The following DSCAM variants were observed in gnomAD, a reference collection of about 807,000 sequenced individuals.
DSCAM encodes DS cell adhesion molecule.
In DSCAM, 47 loss-of-function variants were observed where a neutral mutation model predicts 217.7. That is an observed-to-expected ratio of 0.22 (90% CI 0.17 to 0.28). The LOEUF (loss-of-function observed/expected upper bound fraction) is 0.28, where lower values mean the gene tolerates loss of function less well. DSCAM is among the 10% of genes least tolerant of loss of function. The pLI is 1.00. For missense variants in DSCAM, 2,080 were observed against 2,618.3 expected (o/e 0.79, Z 4.49); for synonymous variants, 1,056 against 1,015.3 (o/e 1.04, Z -0.76).
Position 40,284,515 on chromosome 21 carries a change from C to T in DSCAM, c.2183-8245G>A, listed in dbSNP as rs190126714. On this transcript the variant is annotated intron_variant, in intron 10 of 32. Coordinates refer to ENST00000400454, the MANE Select transcript of DSCAM (RefSeq NM_001389.5). ...TGGTTTACATTTTACCAGTGAGAGGCACTTAAAAACAATTTTGTAGGTGCA... is the reference window on the plus strand; with the variant it reads ...TGGTTTACATTTTACCAGTGAGAGGTACTTAAAAACAATTTTGTAGGTGCA... 8.5e-5 allele frequency among the ~76,000 whole-genome samples: 13 copies of T among 152,276 alleles called. No individual in the cohort carries two copies. In the East Asian group the frequency reaches 2.3e-3, roughly 27 times the overall value.
At chr21:40,824,110 T>C (rs1601314325) in intron 1 of DSCAM, among the ~76,000 whole-genome samples, 1 of 152,084 alleles carries the variant, frequency 6.6e-6, no homozygotes, top group Non-Finnish European at 1.5e-5. Context: ...GCTTGGATCA[T>C]CCCCATTGGG....
At chr21:40,781,012 A>AT (rs35913475) in intron 1 of DSCAM, among the ~76,000 whole-genome samples, 26 of 148,890 alleles carry the variant, frequency 1.7e-4, no homozygotes, top group African/African-American at 4.7e-4. Flanking sequence ...TAATAGTAAC[A>AT]TTTTTTTTTT....
chr21:40,682,589 G>A (rs962922669), intron 3 of DSCAM, among the ~76,000 whole-genome samples: 4 of 124,132 alleles, frequency 3.2e-5, no homozygotes, highest in Admixed American at 7.7e-5. Flanking sequence ...GAGAGAAAGA[G>A]AGAGAGAAAG....
chr21:40,014,999 C>T (rs1384710944), intron 32 of DSCAM, among the ~76,000 whole-genome samples: 3 of 152,176 alleles, frequency 2.0e-5, no homozygotes, highest in Admixed American at 1.3e-4. Context: ...CATTTCTGGC[C>T]ACCCTTTCTC....
rs576498161 is a variant in DSCAM at position 40,444,949 on chromosome 21, C to T, written c.509-75704G>A. Among the ~76,000 whole-genome samples the T allele has an allele frequency of 4.6e-5, 7 of 152,288 alleles. No individual in the cohort carries two copies. The South Asian group carries it at 1.4e-3, about 32-fold the overall frequency. Reference sequence around the variant, plus strand: ...CTGACCTACGCTTGCCCTACATTGTCTATGTTTTCTGTTTAGTCCATTTGG... The same window carrying T: ...CTGACCTACGCTTGCCCTACATTGTTTATGTTTTCTGTTTAGTCCATTTGG... On this transcript the variant is annotated intron_variant, in intron 3 of 32. Coordinates refer to ENST00000400454, the MANE Select transcript of DSCAM (RefSeq NM_001389.5).
intron 11 of DSCAM, among the ~76,000 whole-genome samples, chr21:40,269,293 ATCT>A (rs2052573579): frequency 2.0e-5 from 3 of 152,172 alleles, no homozygotes; most frequent in Non-Finnish European, 4.4e-5. Context: ...GAATACGGAA[ATCT>A]TCTCCAGAAA....
Position 40,702,038 on chromosome 21 carries a change from G to A in DSCAM, c.361+6416C>T, listed in dbSNP as rs997864316. The stretch of plus-strand genomic sequence containing the variant: ...TTGAACTAGGAGTATTGAAATCTCC[G>A]GCTATAATTTTTGATATGTCTGATT... On this transcript the variant is annotated intron_variant, in intron 2 of 32. Transcript: ENST00000400454. Among the ~76,000 whole-genome samples the A allele has an allele frequency of 2.0e-5, 3 of 152,058 alleles. No individual in the cohort carries two copies. In the East Asian group the frequency reaches 5.8e-4, roughly 29 times the overall value.
intron 10 of DSCAM, among the ~76,000 whole-genome samples, chr21:40,285,152 T>C (rs539868821): frequency 2.0e-5 from 3 of 152,264 alleles, no homozygotes; most frequent in Non-Finnish European, 2.9e-5. Flanking sequence ...CAAGGGGTCA[T>C]GTGATATTGG....
intron 16 of DSCAM, among the ~76,000 whole-genome samples, chr21:40,150,032 C>T (rs537316746): frequency 9.2e-5 from 14 of 152,352 alleles, no homozygotes; most frequent in Admixed American, 7.8e-4. Context: ...CCTCCACTTC[C>T]ACTTATTGAA....
intron 3 of DSCAM, among the ~76,000 whole-genome samples, chr21:40,405,817 C>A (rs147316861): frequency 6.6e-6 from 1 of 151,924 alleles, no homozygotes; most frequent in East Asian, 1.9e-4. Context: ...GCTAACACAG[C>A]GAAACCCCGT....
rs114032303 is a variant in DSCAM at position 40,376,220 on chromosome 21, C to T, written c.509-6975G>A. Among the ~76,000 whole-genome samples the T allele has an allele frequency of 3.2e-3, 492 of 152,110 alleles. 3 individuals carry two copies. The highest frequency in any genetic ancestry group is 0.012 in the African/African-American group (478 of 41,510). On this transcript the variant is annotated intron_variant, in intron 3 of 32. Coordinates refer to ENST00000400454, the MANE Select transcript of DSCAM (RefSeq NM_001389.5). ...AGCTTTTCTCAGCTGCGCCTGCCGT[C>T]GCCAATTGATGGCCACACTGTGTCA...
intron 11 of DSCAM, among the ~76,000 whole-genome samples, chr21:40,254,468 T>C (rs568140369): frequency 9.2e-5 from 14 of 152,334 alleles, no homozygotes; most frequent in Non-Finnish European, 1.8e-4. Flanking sequence ...TACAAAATGA[T>C]ACAGTTGGCA....
At chr21:40,324,103 CAAAAAAAAAAAAA>C (rs71330393) in intron 8 of DSCAM, among the ~76,000 whole-genome samples, 17 of 27,936 alleles carry the variant, frequency 6.1e-4, no homozygotes, top group Admixed American at 1.3e-3. Flanking sequence ...AACTCTGTCT[CAAAAAAAAAAAAA>C]AAAAAAAAAA....
At chr21:40,693,001 G>C (rs770989068) in intron 2 of DSCAM, 45 bp from the exon 3 acceptor site, 26 of 1,579,240 alleles carry the variant, frequency 1.6e-5, no homozygotes, top group Non-Finnish European at 2.2e-5. Flanking sequence ...CGGTCAACAG[G>C]CTCATTCTGA....
Position 40,179,055 on chromosome 21 carries a change from G to C in DSCAM, c.2819C>G (p.Pro940Arg). ...DSAQRTKDVSPQLNSATIIDI... is the reference protein window; with the variant it reads ...DSAQRTKDVSRQLNSATIIDI... ...AATGATGGTGGCCGAGTTCAGCTGA[G>C]GGGAAACATCTTTGGTTCTCTGAGC... is the stretch of plus-strand genomic sequence containing the variant. Residue 940 changes from proline to arginine, a missense_variant, in exon 15 of 33, where the codon CCT becomes CGT. This residue lies in a region of DSCAM where 1,144 missense variants were observed against 1,421.1 expected (regional missense o/e 0.81). Transcript: ENST00000400454. 6.2e-7 allele frequency: 1 copy of C among 1,614,074 alleles called. No individual in the cohort carries two copies. The highest frequency in any genetic ancestry group is 8.5e-7 in the Non-Finnish European group (1 of 1,180,014).
At chr21:40,419,846 T>C (rs1187100957) in intron 3 of DSCAM, among the ~76,000 whole-genome samples, 1 of 152,102 alleles carries the variant, frequency 6.6e-6, no homozygotes, top group Admixed American at 6.6e-5. Flanking sequence ...GAATAAAAAA[T>C]TAAAATTATA....
intron 3 of DSCAM, among the ~76,000 whole-genome samples, chr21:40,547,931 C>A (rs2076596782): frequency 6.6e-6 from 1 of 152,154 alleles, no homozygotes; most frequent in Non-Finnish European, 1.5e-5. Flanking sequence ...CCCGCAGCCC[C>A]CCAAATTGGG....
At chr21:40,558,701 T>C (rs933151981) in intron 3 of DSCAM, among the ~76,000 whole-genome samples, 2 of 152,196 alleles carry the variant, frequency 1.3e-5, no homozygotes, top group Admixed American at 6.5e-5. Context: ...TTACACTTAT[T>C]TTCAAAGAGA....
At chr21:40,642,469 T>A (rs2089894566) in intron 3 of DSCAM, among the ~76,000 whole-genome samples, 1 of 152,152 alleles carries the variant, frequency 6.6e-6, no homozygotes, top group South Asian at 2.1e-4. Flanking sequence ...CCTGGAGAGC[T>A]TCCAAAAAGA....
Sources: allele counts gnomAD v4.1 joint callset (sites outside exome capture counted in the v4.1 genomes callset), GRCh38; gene constraint gnomAD v4.1.1; regional missense constraint gnomAD v4.1.1; transcripts MANE v1.5; gene names NCBI Gene and HGNC (gene_info 2026-07-23, HGNC 2026-07-21).